DNAJB6: variants seen among roughly 807,000 people sequenced by gnomAD.
The protein encoded by DNAJB6 is DnaJ heat shock protein family (Hsp40) member B6, also known as dnaJ homolog subfamily B member 6.
A neutral mutation model predicts 42.7 loss-of-function variants in DNAJB6; 16 were observed. The observed-to-expected ratio is 0.37, with a 90% CI of 0.25 to 0.57. The LOEUF (loss-of-function observed/expected upper bound fraction) is 0.57, where lower values mean the gene tolerates loss of function less well. Among genes scored for constraint, DNAJB6 ranks in the 20% least tolerant of loss-of-function variants. DNAJB6 has a pLI of 0.74. For missense variants in DNAJB6, 347 were observed against 416.8 expected (o/e 0.83, Z 1.46); for synonymous variants, 170 against 163.5 (o/e 1.04, Z -0.30).
At chr7:157,368,657 G>A (rs1799959160) in intron 5 of DNAJB6, 1 of 153,220 alleles carries the variant, frequency 6.5e-6, no homozygotes, top group African/African-American at 2.4e-5. Flanking sequence ...TCTCCTGTTA[G>A]AGTCTTCTCA....
chr7:157,345,686 A>G (rs189253933), intron 1 of DNAJB6, among the ~76,000 whole-genome samples: 1 of 152,118 alleles, frequency 6.6e-6, no homozygotes, highest in African/African-American at 2.4e-5. Flanking sequence ...TATCCAAACA[A>G]AGATTGCTGA....
intron 8 of DNAJB6, among the ~76,000 whole-genome samples, chr7:157,387,407 A>G (rs1338026356): frequency 6.6e-6 from 1 of 152,184 alleles, no homozygotes; most frequent in South Asian, 2.1e-4. Context: ...CCCACTCACA[A>G]CTAGCATTGT....
chr7:157,391,070 G>A (rs1176947881), intron 8 of DNAJB6, among the ~76,000 whole-genome samples: 1 of 152,080 alleles, frequency 6.6e-6, no homozygotes, highest in Admixed American at 6.6e-5. Flanking sequence ...TCTTGGGCTC[G>A]AGCGCATCAC....
rs199584631 is a variant in DNAJB6, at chr7:157,382,128, CTTAAG to C, written c.347-115_347-111del. 8,633 of 1,184,890 alleles carry C rather than the reference CTTAAG, an allele frequency of 7.3e-3. 229 individuals are homozygous for C. The African/African-American group carries it at 0.08, about 11-fold the overall frequency. 73.4% of individuals were successfully genotyped at this position (1,184,890 alleles called of 1,614,324 possible). On this transcript the variant is annotated intron_variant, in intron 5 of 9. Coordinates refer to ENST00000262177, the MANE Select transcript of DNAJB6 (RefSeq NM_058246.4). ...TAGATAAGCTCTTTTGTTAAAACCT[CTTAAG>C]TTTTTTGTTCCTGAATATGTTACAA...
chr7:157,344,230 A>G (rs1420114256), intron 1 of DNAJB6, among the ~76,000 whole-genome samples: 1 of 152,176 alleles, frequency 6.6e-6, no homozygotes, highest in African/African-American at 2.4e-5. Context: ...AGTCTCAGCT[A>G]CTTAGCAGGC....
intron 1 of DNAJB6, chr7:157,339,799 CTATTTTTATTAGAGACG>C (rs1380112981): frequency 6.6e-6 from 1 of 152,222 alleles, no homozygotes; most frequent in East Asian, 1.9e-4. Context: ...CTAATTTTTT[CTATTTTTATTAGAGACG>C]AGGTTTCACT....
chr7:157,388,477 C>T (rs1485282188), intron 8 of DNAJB6, among the ~76,000 whole-genome samples: 1 of 152,204 alleles, frequency 6.6e-6, no homozygotes, highest in Non-Finnish European at 1.5e-5. Context: ...CTGAACGCTC[C>T]TTAACGGCAC....
intron 2 of DNAJB6, among the ~76,000 whole-genome samples, chr7:157,362,474 C>T (rs1310899651): frequency 6.6e-6 from 1 of 151,734 alleles, no homozygotes; most frequent in African/African-American, 2.4e-5. Flanking sequence ...TCCCAGGTTC[C>T]AGTGATTCTC....
intron 8 of DNAJB6, among the ~76,000 whole-genome samples, chr7:157,391,098 A>G (rs1801318741): frequency 6.6e-6 from 1 of 152,174 alleles, no homozygotes; most frequent in Non-Finnish European, 1.5e-5. Flanking sequence ...GGCCTCCCAG[A>G]GTGCTGGGAT....
intron 8 of DNAJB6, among the ~76,000 whole-genome samples, chr7:157,388,842 G>A (rs1044712310): frequency 6.6e-6 from 1 of 152,048 alleles, no homozygotes; most frequent in African/African-American, 2.4e-5. Flanking sequence ...TCCCCACCCC[G>A]TTGGTTTGAT....
intron 8 of DNAJB6, among the ~76,000 whole-genome samples, chr7:157,396,708 C>T (rs370404877): frequency 9.6e-4 from 146 of 152,334 alleles, no homozygotes; most frequent in African/African-American, 3.3e-3. Context: ...CTGTAATTTC[C>T]GGCTTTCATA....
chr7:157,345,402 TCTCTTGCG>T (rs1798631794), intron 1 of DNAJB6, among the ~76,000 whole-genome samples: 1 of 152,124 alleles, frequency 6.6e-6, no homozygotes, highest in African/African-American at 2.4e-5. Context: ...GCATCCTTGA[TCTCTTGCG>T]CTCAAGTGAT....
chr7:157,390,577 C>G (rs890525356), intron 8 of DNAJB6, among the ~76,000 whole-genome samples: 1 of 152,188 alleles, frequency 6.6e-6, no homozygotes, highest in Admixed American at 6.5e-5. Context: ...TGAAACATTG[C>G]TGCTGAAACA....
rs532114748 is a variant in DNAJB6, at chr7:157,407,894, A to G, written c.692-1901A>G. Reference sequence around the variant, plus strand: ...GAGCCCTCCTCGCTCCCAGCCTGCAACTGGGGCCTGGTCGGGCGCCCTGGC... The same window carrying G: ...GAGCCCTCCTCGCTCCCAGCCTGCAGCTGGGGCCTGGTCGGGCGCCCTGGC... On this transcript the variant is annotated intron_variant, in intron 8 of 9. Transcript: ENST00000262177. Among the ~76,000 whole-genome samples, 16 of 152,258 alleles carry G rather than the reference A, an allele frequency of 1.1e-4. No homozygotes were observed. In the East Asian group the frequency reaches 2.7e-3, roughly 26 times the overall value.
chr7:157,393,628 G>C (rs1486506342), intron 8 of DNAJB6, among the ~76,000 whole-genome samples: 1 of 152,192 alleles, frequency 6.6e-6, no homozygotes, highest in Non-Finnish European at 1.5e-5. Context: ...TCAGCTGCCT[G>C]TGAAGTCATT....
rs113545785 is a variant in DNAJB6, at chr7:157,409,012, G to A, written c.692-783G>A. On this transcript the variant is annotated intron_variant, in intron 8 of 9. Transcript: ENST00000262177. ...GCACACTTGCTCCTGGAGCTCTGAC[G>A]CAGCTGCCTCCCTCACATCCACGCA... Among the ~76,000 whole-genome samples the A allele has an allele frequency of 4.5e-3, 682 of 152,358 alleles. 2 individuals carry two copies. The highest frequency in any genetic ancestry group is 5.8e-3 in the Non-Finnish European group (393 of 68,040).
At chr7:157,399,055 C>A (rs1281055211) in intron 8 of DNAJB6, among the ~76,000 whole-genome samples, 1 of 152,206 alleles carries the variant, frequency 6.6e-6, no homozygotes, top group Non-Finnish European at 1.5e-5. Flanking sequence ...GGCTGAACGG[C>A]AGTGAATGCC....
chr7:157,383,611 TTGTGTGTGTGTGTG>T (rs57002445), intron 6 of DNAJB6, among the ~76,000 whole-genome samples: 1,615 of 149,672 alleles, frequency 0.011, 11 homozygotes, highest in Non-Finnish European at 0.017. Flanking sequence ...GTATGTGTGT[TTGTGTGTGTGTGTG>T]TGTGTGTGTG....
At chr7:157,386,270 AAAAAAG>A (rs1801052195) in intron 8 of DNAJB6, 1 of 984,980 alleles carries the variant, frequency 1.0e-6, no homozygotes, top group African/African-American at 1.8e-5. Flanking sequence ...TAAAAAAAAA[AAAAAAG>A]AAAATAAATG....
Sources: gnomAD v4.1 joint callset for allele counts (sites outside exome capture counted in the v4.1 genomes callset) on GRCh38, gnomAD v4.1.1 for gene constraint, MANE v1.5 for transcripts, NCBI Gene and HGNC (gene_info 2026-07-23, HGNC 2026-07-21) for gene names.